ZNF804B: variants seen among roughly 807,000 people sequenced by gnomAD.
ZNF804B encodes the protein zinc finger 804B.
ZNF804B carries 80 observed loss-of-function variants against 101.4 expected under a neutral mutation model. That is an observed-to-expected ratio of 0.79 (90% CI 0.66 to 0.95). The LOEUF (loss-of-function observed/expected upper bound fraction) is 0.95, where lower values mean the gene tolerates loss of function less well. Among genes scored for constraint, ZNF804B ranks in the 40% least tolerant of loss-of-function variants. The pLI, the probability that ZNF804B is intolerant of heterozygous loss-of-function variation, is 0.00. For missense variants in ZNF804B, 1,673 were observed against 1,561.9 expected, an observed-to-expected ratio of 1.07 and a Z score of -1.20; for synonymous variants, 622 against 558.8, an observed-to-expected ratio of 1.11 and a Z score of -1.59.
chr7:88,902,997 A>G (rs890205641), intron 1 of ZNF804B, among the ~76,000 whole-genome samples: 1 of 152,112 alleles, frequency 6.6e-6, no homozygotes, highest in African/African-American at 2.4e-5. Context: ...GGTTTGTTAC[A>G]TGGATATATT....
At chr7:89,025,669 C>T (rs1041254437) in intron 1 of ZNF804B, among the ~76,000 whole-genome samples, 3 of 152,100 alleles carry the variant, frequency 2.0e-5, no homozygotes, top group South Asian at 2.1e-4. Flanking sequence ...AATAATTTGA[C>T]TTCTCTTCCT....
chr7:88,939,300 A>G (rs1793022976), intron 1 of ZNF804B, among the ~76,000 whole-genome samples: 2 of 151,956 alleles, frequency 1.3e-5, no homozygotes, highest in Non-Finnish European at 2.9e-5. Context: ...TATAAATATT[A>G]TATAAATAGT....
intron 1 of ZNF804B, among the ~76,000 whole-genome samples, chr7:89,035,525 A>G (rs1788912432): frequency 6.6e-6 from 1 of 152,084 alleles, no homozygotes; most frequent in African/African-American, 2.4e-5. Flanking sequence ...AAAATGAGTA[A>G]GACATAAATC....
intron 1 of ZNF804B, among the ~76,000 whole-genome samples, chr7:89,137,570 A>C (rs112510754): frequency 0.099 from 15,009 of 152,188 alleles, 794 homozygotes; most frequent in Middle Eastern, 0.15. Flanking sequence ...ATCTGGTGGA[A>C]GAAATTTTTA....
chr7:89,280,014 CTGT>C (rs1790062034), intron 2 of ZNF804B, among the ~76,000 whole-genome samples: 3 of 151,844 alleles, frequency 2.0e-5, no homozygotes, highest in Admixed American at 2.0e-4. Flanking sequence ...GGAAGTAAAG[CTGT>C]CCTCAGCAAA....
intron 1 of ZNF804B, among the ~76,000 whole-genome samples, chr7:88,918,609 C>T (rs551701534): frequency 6.6e-6 from 1 of 152,134 alleles, no homozygotes; most frequent in Admixed American, 6.6e-5. Context: ...CTCTACATAG[C>T]CAAAAGTAAT....
chr7:89,273,533 G>T (rs560040528), intron 2 of ZNF804B, among the ~76,000 whole-genome samples: 1 of 152,094 alleles, frequency 6.6e-6, no homozygotes, highest in Non-Finnish European at 1.5e-5. Flanking sequence ...AATATTTACT[G>T]CTAGAAGCTT....
chr7:88,965,967 T>G (rs890319673), intron 1 of ZNF804B, among the ~76,000 whole-genome samples: 1 of 151,500 alleles, frequency 6.6e-6, no homozygotes, highest in Non-Finnish European at 1.5e-5. Context: ...GTCCTAAGTT[T>G]AAATCACCTC....
chr7:88,928,350 A>G (rs537601262), intron 1 of ZNF804B, among the ~76,000 whole-genome samples: 193 of 152,290 alleles, frequency 1.3e-3, no homozygotes, highest in South Asian at 5.2e-3. Flanking sequence ...AATAAATGAC[A>G]CTTGGAAGAA....
intron 1 of ZNF804B, among the ~76,000 whole-genome samples, chr7:89,191,922 G>A (rs1355935971): frequency 3.3e-5 from 5 of 151,828 alleles, no homozygotes; most frequent in African/African-American, 2.4e-5. Flanking sequence ...TTACAGAAAG[G>A]TATAATTTAC....
At chr7:89,177,252 C>T (rs1791336461) in intron 1 of ZNF804B, among the ~76,000 whole-genome samples, 1 of 152,166 alleles carries the variant, frequency 6.6e-6, no homozygotes, top group East Asian at 1.9e-4. Context: ...GCACTTATAG[C>T]TAAAACATAA....
At chr7:89,012,003 G>A (rs549444837) in intron 1 of ZNF804B, among the ~76,000 whole-genome samples, 1 of 152,290 alleles carries the variant, frequency 6.6e-6, no homozygotes, top group African/African-American at 2.4e-5. Flanking sequence ...ACTTCTGACT[G>A]AATATCCAAG....
intron 1 of ZNF804B, among the ~76,000 whole-genome samples, chr7:88,965,832 T>C (rs1793445247): frequency 6.6e-6 from 1 of 151,478 alleles, no homozygotes; most frequent in Admixed American, 6.6e-5. Context: ...AGGATTAAGA[T>C]GACAATCAAT....
At chr7:88,871,878 G>C (rs1188781541) in intron 1 of ZNF804B, among the ~76,000 whole-genome samples, 2 of 152,098 alleles carry the variant, frequency 1.3e-5, no homozygotes, top group Non-Finnish European at 2.9e-5. Flanking sequence ...TGAGGCAGGA[G>C]AATTGCTTCA....
chr7:88,776,786 C>A, intron 1 of ZNF804B, among the ~76,000 whole-genome samples: 1 of 100,578 alleles, frequency 9.9e-6, no homozygotes, highest in African/African-American at 3.6e-5. Context: ...ATAAACCCCC[C>A]CCCCCACCCT....
chr7:89,276,298 A>G (rs1422086600), intron 2 of ZNF804B, among the ~76,000 whole-genome samples: 1 of 151,896 alleles, frequency 6.6e-6, no homozygotes, highest in Non-Finnish European at 1.5e-5. Context: ...AAACCTGCAC[A>G]TCCTGCACAT....
intron 1 of ZNF804B, among the ~76,000 whole-genome samples, chr7:89,002,096 ATAT>A (rs1212827219): frequency 1.3e-5 from 2 of 151,628 alleles, no homozygotes; most frequent in African/African-American, 4.8e-5. Context: ...TGTGTGAGTA[ATAT>A]TATAACACAT....
intron 1 of ZNF804B, among the ~76,000 whole-genome samples, chr7:89,141,782 G>T (rs977057604): frequency 6.6e-6 from 1 of 151,582 alleles, no homozygotes; most frequent in Admixed American, 6.6e-5. Flanking sequence ...ATATATGGGA[G>T]ATTTGTAAGT....
At chr7:89,089,802 T>C (rs1789855625) in intron 1 of ZNF804B, among the ~76,000 whole-genome samples, 1 of 152,108 alleles carries the variant, frequency 6.6e-6, no homozygotes, top group Non-Finnish European at 1.5e-5. Context: ...AACTTTACTT[T>C]TGAAAGACTT....
Sources: gnomAD v4.1 joint callset for allele counts (sites outside exome capture counted in the v4.1 genomes callset) on GRCh38, gnomAD v4.1.1 for gene constraint, MANE v1.5 for transcripts, NCBI Gene and HGNC (gene_info 2026-07-23, HGNC 2026-07-21) for gene names.